CNTNAP2: variants seen among roughly 807,000 people sequenced by gnomAD.
CNTNAP2 encodes the protein contactin associated protein 2.
CNTNAP2 carries 98 observed loss-of-function variants against 155.2 expected under a neutral mutation model. The ratio of observed to expected loss-of-function variants is 0.63; its 90% CI spans 0.54 to 0.75. The LOEUF (loss-of-function observed/expected upper bound fraction) is 0.75. CNTNAP2 is among the 30% of genes least tolerant of loss of function. The pLI is 0.00. For synonymous variants in CNTNAP2, 651 were observed against 631.2 expected (o/e 1.03, Z -0.47); for missense variants, 1,727 against 1,688.1 (o/e 1.02, Z -0.40).
chr7:146,985,600 G>A (rs1054740770), intron 3 of CNTNAP2, among the ~76,000 whole-genome samples: 2 of 152,002 alleles, frequency 1.3e-5, no homozygotes, highest in African/African-American at 2.4e-5. Flanking sequence ...GATTACAGGC[G>A]TAAGCCACTG....
intron 15 of CNTNAP2, among the ~76,000 whole-genome samples, chr7:148,095,544 A>G (rs1803947119): frequency 6.6e-6 from 1 of 152,190 alleles, no homozygotes; most frequent in African/African-American, 2.4e-5. Flanking sequence ...CTGAGATCCT[A>G]ATGAAAAAGA....
intron 4 of CNTNAP2, among the ~76,000 whole-genome samples, chr7:147,045,217 C>T (rs756760564): frequency 1.3e-5 from 2 of 152,044 alleles, no homozygotes; most frequent in Non-Finnish European, 2.9e-5. Flanking sequence ...CTTATTAGCC[C>T]GTTTCCTACT....
rs145608141 is a variant in CNTNAP2, at chr7:147,840,161, C to T, written c.2099-63404C>T. Among the ~76,000 whole-genome samples, 463 of 151,948 alleles carry T rather than the reference C, an allele frequency of 3.0e-3. 7 individuals carry two copies. In the East Asian group the frequency reaches 0.034, roughly 11 times the overall value. On this transcript the variant is annotated intron_variant, in intron 13 of 23. Coordinates refer to ENST00000361727, the MANE Select transcript of CNTNAP2 (RefSeq NM_014141.6). ...CATGGAATAATAGACACTGGAGGCTCAGAAAGGGAGGAGGGTGGGAAGGGG... is the reference window on the plus strand; with the variant it reads ...CATGGAATAATAGACACTGGAGGCTTAGAAAGGGAGGAGGGTGGGAAGGGG...
At chr7:146,416,233 C>G (rs1724514) in intron 1 of CNTNAP2, among the ~76,000 whole-genome samples, 5,370 of 150,892 alleles carry the variant, frequency 0.036, 341 homozygotes, top group African/African-American at 0.12. Flanking sequence ...ATTGTCAACA[C>G]TAAATGTTAA....
At chr7:147,348,534 A>G (rs13221003) in intron 9 of CNTNAP2, among the ~76,000 whole-genome samples, 34,655 of 151,956 alleles carry the variant, frequency 0.23, 4,349 homozygotes, top group Non-Finnish European at 0.28. Context: ...GAACTCTTAT[A>G]TGCTATTGGT....
intron 13 of CNTNAP2, among the ~76,000 whole-genome samples, chr7:147,861,175 ACAAG>A (rs1471330481): frequency 1.3e-5 from 2 of 152,200 alleles, no homozygotes; most frequent in African/African-American, 4.8e-5. Context: ...CTCCCAAAGC[ACAAG>A]CAGTTTCTGT....
intron 1 of CNTNAP2, among the ~76,000 whole-genome samples, chr7:146,444,115 C>T (rs1419748323): frequency 6.6e-6 from 1 of 152,102 alleles, no homozygotes; most frequent in Non-Finnish European, 1.5e-5. Context: ...TCCCTGCAAC[C>T]TCCGCCTCCT....
At chr7:147,431,393 T>C (rs1396870675) in intron 10 of CNTNAP2, among the ~76,000 whole-genome samples, 2 of 152,322 alleles carry the variant, frequency 1.3e-5, no homozygotes, top group East Asian at 3.9e-4. Context: ...AACTTTTCCC[T>C]GTATATTGCA....
At chr7:147,024,503 A>C (rs1314519016) in intron 3 of CNTNAP2, among the ~76,000 whole-genome samples, 1 of 152,202 alleles carries the variant, frequency 6.6e-6, no homozygotes, top group East Asian at 1.9e-4. Flanking sequence ...CCATTCTTAC[A>C]TTGTTGTAAA....
At chr7:146,259,557 C>T (rs1799889580) in intron 1 of CNTNAP2, among the ~76,000 whole-genome samples, 1 of 152,134 alleles carries the variant, frequency 6.6e-6, no homozygotes, top group Non-Finnish European at 1.5e-5. Flanking sequence ...AGCAAAAAGC[C>T]TGGCAGCATT....
chr7:146,232,586 TG>T (rs150560064), intron 1 of CNTNAP2, among the ~76,000 whole-genome samples: 2,103 of 152,280 alleles, frequency 0.014, 53 homozygotes, highest in African/African-American at 0.048. Flanking sequence ...TGGTTTCTGC[TG>T]TGGAACACTT....
At chr7:146,800,657 C>T (rs1440946085) in intron 2 of CNTNAP2, among the ~76,000 whole-genome samples, 1 of 152,010 alleles carries the variant, frequency 6.6e-6, no homozygotes, top group African/African-American at 2.4e-5. Flanking sequence ...ACTTATGGGG[C>T]CTTATTTAGT....
At chr7:146,594,736 T>C (rs1798834093) in intron 1 of CNTNAP2, among the ~76,000 whole-genome samples, 1 of 152,084 alleles carries the variant, frequency 6.6e-6, no homozygotes, top group Admixed American at 6.6e-5. Flanking sequence ...TCCTCTCATC[T>C]CACCTACTCA....
intron 1 of CNTNAP2, among the ~76,000 whole-genome samples, chr7:146,667,366 T>A (rs530372007): frequency 2.2e-4 from 34 of 152,202 alleles, no homozygotes; most frequent in Non-Finnish European, 4.4e-4. Context: ...AGTACCATGC[T>A]GTTTTGGTTA....
chr7:146,142,250 G>T (rs1489967427), intron 1 of CNTNAP2, among the ~76,000 whole-genome samples: 2 of 152,176 alleles, frequency 1.3e-5, no homozygotes, highest in East Asian at 3.9e-4. Context: ...AAGTTCAGGG[G>T]TTAGTGAAGA....
At chr7:148,401,322 T>G (rs1799577583) in intron 22 of CNTNAP2, among the ~76,000 whole-genome samples, 1 of 152,160 alleles carries the variant, frequency 6.6e-6, no homozygotes, top group Admixed American at 6.5e-5. Context: ...CATTCTGCAT[T>G]TTTGCCTCCT....
intron 3 of CNTNAP2, among the ~76,000 whole-genome samples, chr7:146,958,056 G>A (rs1315914576): frequency 6.6e-6 from 1 of 152,060 alleles, no homozygotes; most frequent in Non-Finnish European, 1.5e-5. Flanking sequence ...TCTTGAAATT[G>A]TCTATTCATT....
intron 1 of CNTNAP2, among the ~76,000 whole-genome samples, chr7:146,549,241 C>G (rs1798079054): frequency 6.6e-6 from 1 of 151,818 alleles, no homozygotes; most frequent in Non-Finnish European, 1.5e-5. Flanking sequence ...ATAGCACATG[C>G]CAGATTAAGT....
At chr7:147,783,011 A>G (rs1797681260) in intron 13 of CNTNAP2, among the ~76,000 whole-genome samples, 2 of 152,350 alleles carry the variant, frequency 1.3e-5, no homozygotes, top group African/African-American at 4.8e-5. Flanking sequence ...ATCTCTAAAT[A>G]TTCAAAGTAT....
Sources: allele counts gnomAD v4.1 joint callset (sites outside exome capture counted in the v4.1 genomes callset), GRCh38; gene constraint gnomAD v4.1.1; transcripts MANE v1.5; gene names NCBI Gene and HGNC (gene_info 2026-07-23, HGNC 2026-07-21).